A1CF: variants seen among roughly 807,000 people sequenced by gnomAD.
The protein encoded by A1CF is APOBEC1 complementation factor.
Under a neutral mutation model 68.9 loss-of-function variants are expected in A1CF, and 48 were observed. The ratio of observed to expected loss-of-function variants is 0.70; its 90% CI spans 0.55 to 0.89. The LOEUF (loss-of-function observed/expected upper bound fraction) is 0.89, where lower values mean the gene tolerates loss of function less well. Among genes scored for constraint, A1CF ranks in the 40% least tolerant of loss-of-function variants. The pLI, the probability that A1CF is intolerant of heterozygous loss-of-function variation, is 0.00. For missense variants in A1CF, 653 were observed against 718.9 expected (o/e 0.91, Z 1.05); for synonymous variants, 272 against 260.4 (o/e 1.04, Z -0.43).
chr10:50,837,502 A>G (rs1386730883), intron 5 of A1CF, among the ~76,000 whole-genome samples: 2 of 152,242 alleles, frequency 1.3e-5, no homozygotes, highest in East Asian at 3.8e-4. Flanking sequence ...AAGGATATTT[A>G]TTACTGCTCT....
intron 10 of A1CF, among the ~76,000 whole-genome samples, chr10:50,813,655 A>T (rs1838227903): frequency 1.3e-5 from 2 of 152,178 alleles, no homozygotes; most frequent in African/African-American, 4.8e-5. Context: ...TGATTTTTTA[A>T]AAAAGAGAAA....
chr10:50,816,290 G>A lies in A1CF; in HGVS notation c.868-11C>T. The A allele has an allele frequency of 2.5e-6, 4 of 1,611,980 alleles. No homozygotes were observed. Among genetic ancestry groups the A allele is most frequent in the Non-Finnish European group, 2.5e-6 (3 of 1,178,752 alleles). ...GGAACCATCCAGCACCTGTTGTAGAGAGCAAAGAAATATCAACGCGAGATG... is the reference window on the plus strand; with the variant it reads ...GGAACCATCCAGCACCTGTTGTAGAAAGCAAAGAAATATCAACGCGAGATG... On this transcript the variant is annotated splice_polypyrimidine_tract_variant and intron_variant, in intron 8 of 12. Coordinates refer to ENST00000373997, the MANE Select transcript of A1CF (RefSeq NM_014576.4).
intron 3 of A1CF, 65 bp downstream of exon 3, chr10:50,859,777 C>A: frequency 1.4e-6 from 2 of 1,411,582 alleles, no homozygotes; most frequent in Non-Finnish European, 2.0e-6. Context: ...CATCTTAGGA[C>A]CTCCAATATT....
intron 1 of A1CF, among the ~76,000 whole-genome samples, chr10:50,881,743 T>C (rs2132634045): frequency 6.6e-6 from 1 of 152,336 alleles, no homozygotes; most frequent in South Asian, 2.1e-4. Context: ...TCTGCCTAAA[T>C]TGTCATGTGT....
chr10:50,816,459 G>A (rs532315128), intron 8 of A1CF, 180 bp from the exon 9 acceptor site: 74 of 653,538 alleles, frequency 1.1e-4, no homozygotes, highest in African/African-American at 8.4e-4. Flanking sequence ...GAGCCATTTT[G>A]TTGGTAAGTT....
rs1371329756 is a variant in A1CF, at chr10:50,802,566, T to C, written c.*4163A>G. On this transcript the variant is annotated 3_prime_UTR_variant, in exon 13 of 13. Coordinates refer to ENST00000373997, the MANE Select transcript of A1CF (RefSeq NM_014576.4). ...AAGTTTCTAGTCTAATTTTTAGATATATTTTCTTCCCCCTGGGAACTTTTA... is the reference window on the plus strand; with the variant it reads ...AAGTTTCTAGTCTAATTTTTAGATACATTTTCTTCCCCCTGGGAACTTTTA... 1 of 152,228 alleles carries C rather than the reference T, an allele frequency of 6.6e-6. No homozygotes were observed. Among genetic ancestry groups the C allele is most frequent in the African/African-American group, 2.4e-5 (1 of 41,460 alleles). 9.4% of individuals were successfully genotyped at this position (152,228 alleles called of 1,614,324 possible).
chr10:50,812,948 A>C (rs961811602), intron 10 of A1CF, among the ~76,000 whole-genome samples: 8 of 152,216 alleles, frequency 5.3e-5, no homozygotes, highest in African/African-American at 1.9e-4. Context: ...AAAGCCAGAA[A>C]TCCCATTAAA....
chr10:50,816,343 C>T, intron 8 of A1CF, 64 bp from the exon 9 acceptor site: 2 of 1,534,550 alleles, frequency 1.3e-6, no homozygotes, highest in Non-Finnish European at 1.8e-6. Context: ...TGTGGCTGAG[C>T]CCTAATAACA....
intron 12 of A1CF, among the ~76,000 whole-genome samples, chr10:50,808,606 A>G (rs922822604): frequency 5.3e-5 from 8 of 152,152 alleles, no homozygotes; most frequent in African/African-American, 1.9e-4. Context: ...CCCAGGAAGG[A>G]CCTTGCCCTC....
chr10:50,852,749 C>A (rs1185490110), intron 3 of A1CF, among the ~76,000 whole-genome samples: 1 of 152,122 alleles, frequency 6.6e-6, no homozygotes, highest in Non-Finnish European at 1.5e-5. Context: ...GTCAATGCCA[C>A]AGTGTTTTTC....
At chr10:50,855,035 G>T (rs1289464610) in intron 3 of A1CF, among the ~76,000 whole-genome samples, 1 of 151,818 alleles carries the variant, frequency 6.6e-6, no homozygotes, top group Middle Eastern at 3.2e-3. Flanking sequence ...TTTAGGTTTA[G>T]TTGCAATAGA....
intron 5 of A1CF, among the ~76,000 whole-genome samples, chr10:50,839,605 T>C (rs1314447975): frequency 2.0e-5 from 3 of 152,214 alleles, no homozygotes; most frequent in African/African-American, 7.2e-5. Flanking sequence ...AAAGCTCTTT[T>C]GGGTCCATGG....
chr10:50,882,832 C>G (rs1224264672), intron 1 of A1CF, among the ~76,000 whole-genome samples: 1 of 152,180 alleles, frequency 6.6e-6, no homozygotes, highest in African/African-American at 2.4e-5. Flanking sequence ...CAGTACTACT[C>G]AGCTTTCTAA....
intron 3 of A1CF, among the ~76,000 whole-genome samples, chr10:50,856,722 G>A (rs142066621): frequency 0.011 from 1,634 of 152,144 alleles, 38 homozygotes; most frequent in African/African-American, 0.037. Flanking sequence ...ATCACACAGT[G>A]TATAGTAAGG....
rs1245223801 is a variant in A1CF at position 50,801,885 on chromosome 10, C to G, written c.*4844G>C. 6.6e-6 allele frequency: 1 copy of G among 152,108 alleles called. No homozygotes were observed. Among genetic ancestry groups the G allele is most frequent in the East Asian group, 1.9e-4 (1 of 5,186 alleles). The allele number at this position is 152,108 out of a possible 1,614,324, so 9.4% of individuals were successfully genotyped here. ...GAGTACAAGGTTTTCTTTTAGCTTT[C>G]CTACAAAACCAAGGAGAACTGGGGG... On this transcript the variant is annotated 3_prime_UTR_variant, in exon 13 of 13. Coordinates refer to ENST00000373997, the MANE Select transcript of A1CF (RefSeq NM_014576.4).
At chr10:50,845,874 A>T (rs1589012809) in intron 3 of A1CF, among the ~76,000 whole-genome samples, 1 of 152,118 alleles carries the variant, frequency 6.6e-6, no homozygotes, top group Non-Finnish European at 1.5e-5. Flanking sequence ...GAATCACTTG[A>T]ACCCAGGAAG....
rs191856725 is a variant in A1CF at position 50,871,877 on chromosome 10, A to G, written c.-93-7797T>C. 2.0e-5 allele frequency among the ~76,000 whole-genome samples: 3 copies of G among 152,232 alleles called. No individual in the cohort carries two copies. The East Asian group carries it at 5.8e-4, about 29-fold the overall frequency. On this transcript the variant is annotated intron_variant, in intron 1 of 12. Coordinates refer to ENST00000373997, the MANE Select transcript of A1CF (RefSeq NM_014576.4). The stretch of plus-strand genomic sequence containing the variant: ...ATGGTACAGAAGGTCTTCTAAACCA[A>G]GCATATTAAGAACCATAAATGAAAA...
chr10:50,832,272 G>T (rs1839282802), intron 6 of A1CF, among the ~76,000 whole-genome samples: 1 of 152,146 alleles, frequency 6.6e-6, no homozygotes, highest in Non-Finnish European at 1.5e-5. Context: ...TTAATACCAT[G>T]GAAACTGGCA....
At chr10:50,808,682 C>G (rs1203112097) in intron 12 of A1CF, among the ~76,000 whole-genome samples, 1 of 152,078 alleles carries the variant, frequency 6.6e-6, no homozygotes, top group East Asian at 1.9e-4. Flanking sequence ...CATGTTCTTA[C>G]AGAGAAACAA....
Sources: gnomAD v4.1 joint callset for allele counts (sites outside exome capture counted in the v4.1 genomes callset) on GRCh38, gnomAD v4.1.1 for gene constraint, MANE v1.5 for transcripts, NCBI Gene and HGNC (gene_info 2026-07-23, HGNC 2026-07-21) for gene names.